The following PACRG variants were observed in gnomAD, a reference collection of about 807,000 sequenced individuals.
PACRG encodes parkin coregulated gene protein.
In PACRG, 29 loss-of-function variants were observed where a neutral mutation model predicts 29.7. The ratio of observed to expected loss-of-function variants is 0.98; its 90% CI spans 0.73 to 1.33. The LOEUF (loss-of-function observed/expected upper bound fraction) is 1.33, where lower values mean the gene tolerates loss of function less well. Among genes scored for constraint, PACRG ranks in the 40% most tolerant of loss-of-function variants. The pLI, the probability that PACRG is intolerant of heterozygous loss-of-function variation, is 0.00. For missense variants in PACRG, 279 were observed against 316.2 expected (o/e 0.88, Z 0.89); for synonymous variants, 116 against 118.7 (o/e 0.98, Z 0.15).
chr6:163,077,893 TC>T (rs922788614), intron 3 of PACRG, among the ~76,000 whole-genome samples: 2 of 152,088 alleles, frequency 1.3e-5, no homozygotes, highest in African/African-American at 2.4e-5. Flanking sequence ...GGAAGGGTGA[TC>T]CAGCACCCAC....
chr6:163,246,244 T>C (rs983617349), intron 4 of PACRG, among the ~76,000 whole-genome samples: 1 of 152,202 alleles, frequency 6.6e-6, no homozygotes, highest in African/African-American at 2.4e-5. Context: ...CATCTCTTTC[T>C]TGTTTGATAT....
intron 3 of PACRG, 75 bp from the exon 4 acceptor site, chr6:163,089,184 A>C: frequency 6.8e-7 from 1 of 1,475,488 alleles, no homozygotes; most frequent in Admixed American, 2.0e-5. Flanking sequence ...ACCACAAGAC[A>C]ACTTTACCTT....
chr6:162,918,535 C>T (rs536248037), intron 2 of PACRG, among the ~76,000 whole-genome samples: 108 of 152,176 alleles, frequency 7.1e-4, no homozygotes, highest in African/African-American at 2.3e-3. Flanking sequence ...ATTCCAAAAA[C>T]TGAAAAATGT....
At chr6:163,006,563 G>C (rs1805136847) in intron 2 of PACRG, among the ~76,000 whole-genome samples, 1 of 151,690 alleles carries the variant, frequency 6.6e-6, no homozygotes, top group African/African-American at 2.4e-5. Flanking sequence ...TATAGTTATA[G>C]ATTTTTTAAT....
At chr6:162,974,969 T>C (rs1801827019) in intron 2 of PACRG, among the ~76,000 whole-genome samples, 2 of 152,210 alleles carry the variant, frequency 1.3e-5, no homozygotes, top group South Asian at 4.1e-4. Flanking sequence ...CAGTGAGCTC[T>C]CTCTACAGTA....
At chr6:163,266,252 AG>A (rs1783525039) in intron 4 of PACRG, among the ~76,000 whole-genome samples, 1 of 152,250 alleles carries the variant, frequency 6.6e-6, no homozygotes, top group Non-Finnish European at 1.5e-5. Context: ...CTGTAAAATC[AG>A]AAACCGGATT....
chr6:162,916,024 A>G (rs937653921), intron 2 of PACRG, among the ~76,000 whole-genome samples: 1 of 152,154 alleles, frequency 6.6e-6, no homozygotes, highest in African/African-American at 2.4e-5. Context: ...TTCCTCTTGT[A>G]TCATTTTTCT....
chr6:163,000,893 C>A (rs1043631521), intron 2 of PACRG, among the ~76,000 whole-genome samples: 2 of 152,156 alleles, frequency 1.3e-5, no homozygotes, highest in African/African-American at 2.4e-5. Context: ...CCAAGGCAGG[C>A]CTGAATAGTA....
At chr6:163,269,859 G>A (rs1460008445) in intron 4 of PACRG, among the ~76,000 whole-genome samples, 1 of 53,036 alleles carries the variant, frequency 1.9e-5, no homozygotes, top group African/African-American at 1.0e-4. Flanking sequence ...GAAAGAAAGA[G>A]AAAGAAAGAG....
At chr6:163,149,116 T>C (rs1032228488) in intron 4 of PACRG, among the ~76,000 whole-genome samples, 14 of 152,158 alleles carry the variant, frequency 9.2e-5, no homozygotes, top group Admixed American at 2.6e-4. Context: ...TTCCCCTTCC[T>C]TGAAGCTCCT....
intron 2 of PACRG, among the ~76,000 whole-genome samples, chr6:163,030,708 T>C (rs1332954554): frequency 6.6e-6 from 1 of 152,218 alleles, no homozygotes; most frequent in African/African-American, 2.4e-5. Context: ...CTTGATGATA[T>C]GGTATACAAG....
chr6:162,958,872 TATATATATATATAGAG>T (rs1410603703), intron 2 of PACRG, among the ~76,000 whole-genome samples: 6 of 61,180 alleles, frequency 9.8e-5, no homozygotes, highest in African/African-American at 2.6e-4. Flanking sequence ...TATATATATA[TATATATATATATAGAG>T]AGAGAGAGAG....
intron 2 of PACRG, among the ~76,000 whole-genome samples, chr6:162,982,975 T>G (rs1802558603): frequency 6.6e-6 from 1 of 152,050 alleles, no homozygotes; most frequent in Non-Finnish European, 1.5e-5. Flanking sequence ...GTTTAGAAAT[T>G]TGGGAGTTCC....
intron 2 of PACRG, among the ~76,000 whole-genome samples, chr6:163,050,205 G>GT (rs1473270719): frequency 6.6e-6 from 1 of 151,766 alleles, no homozygotes; most frequent in African/African-American, 2.4e-5. Context: ...AGCTGGTACT[G>GT]TTTTTTTCAT....
intron 2 of PACRG, among the ~76,000 whole-genome samples, chr6:162,874,149 A>ATATAT (rs547779237): frequency 0.023 from 2,493 of 107,818 alleles, 39 homozygotes; most frequent in East Asian, 0.052. Flanking sequence ...TAAAAAAAAA[A>ATATAT]AAATATATAT....
chr6:162,739,942 C>T (rs1036465723), intron 1 of PACRG, among the ~76,000 whole-genome samples: 1 of 151,242 alleles, frequency 6.6e-6, no homozygotes, highest in Non-Finnish European at 1.5e-5. Context: ...ATAATGTTCA[C>T]ACATACATTG....
chr6:163,190,240 C>T lies in PACRG; in HGVS notation c.613+100832C>T, dbSNP rs114370187. On this transcript the variant is annotated intron_variant, in intron 4 of 4. Coordinates refer to ENST00000366888, the MANE Select transcript of PACRG (RefSeq NM_001080379.2). The stretch of plus-strand genomic sequence containing the variant: ...AAACTTGCCTAAATATAATACAAAT[C>T]GAATCTTCAATGAGGACTACACATT... 4.4e-3 allele frequency: 668 copies of T among 152,240 alleles called. 7 individuals carry two copies. Among genetic ancestry groups the T allele is most frequent in the African/African-American group, 0.015 (637 of 41,536 alleles). The allele number at this position is 152,240 out of a possible 1,614,324, so 9.4% of individuals were successfully genotyped here.
chr6:162,996,753 A>T (rs989342245), intron 2 of PACRG, among the ~76,000 whole-genome samples: 1 of 152,024 alleles, frequency 6.6e-6, no homozygotes, highest in East Asian at 1.9e-4. Flanking sequence ...AACTGTCTCA[A>T]CTCTTGTTAG....
At chr6:163,223,794 G>A (rs538719685) in intron 4 of PACRG, among the ~76,000 whole-genome samples, 9 of 152,248 alleles carry the variant, frequency 5.9e-5, no homozygotes, top group African/African-American at 1.7e-4. Context: ...TCCACAAACA[G>A]GCAGAATGGC....
Sources: gnomAD v4.1 joint callset for allele counts (sites outside exome capture counted in the v4.1 genomes callset) on GRCh38, gnomAD v4.1.1 for gene constraint, MANE v1.5 for transcripts, NCBI Gene and HGNC (gene_info 2026-07-23, HGNC 2026-07-21) for gene names.